Variants in PPIG observed in about 807,000 individuals in gnomAD.
The protein encoded by PPIG is peptidyl-prolyl cis-trans isomerase G.
Under a neutral mutation model 87.9 loss-of-function variants are expected in PPIG, and 26 were observed. The observed-to-expected ratio is 0.30, with a 90% CI of 0.22 to 0.41. The LOEUF is 0.41. PPIG is among the 10% of genes least tolerant of loss of function. The pLI, the probability that PPIG is intolerant of heterozygous loss-of-function variation, is 1.00. For synonymous variants in PPIG, 308 were observed against 276.5 expected, an observed-to-expected ratio of 1.11 and a Z score of -1.13; for missense variants, 722 against 879.4, an observed-to-expected ratio of 0.82 and a Z score of 2.26.
At position 169,613,873 on chromosome 2, in the gene PPIG, C is replaced by T. The variant is rs930540811; in HGVS notation, c.378-591C>T. ...CCCAGAATGTTCAGGATGCAGTGAA[C>T]CAAGGTTGTGCCAGTGCACTGCAGC... On this transcript the variant is annotated intron_variant, in intron 7 of 13. Coordinates refer to ENST00000260970, the MANE Select transcript of PPIG (RefSeq NM_004792.3). Among the ~76,000 whole-genome samples the T allele has an allele frequency of 5.9e-5, 9 of 152,176 alleles. No individual in the cohort carries two copies. The South Asian group carries it at 8.3e-4, about 14-fold the overall frequency.
At chr2:169,588,598 A>G (rs1237756758) in intron 1 of PPIG, among the ~76,000 whole-genome samples, 1 of 152,160 alleles carries the variant, frequency 6.6e-6, no homozygotes, top group Non-Finnish European at 1.5e-5. Context: ...ATATATGTAT[A>G]TATCTTTGAA....
At chr2:169,593,821 T>TC (rs1684939614) in intron 1 of PPIG, among the ~76,000 whole-genome samples, 1 of 149,874 alleles carries the variant, frequency 6.7e-6, no homozygotes, top group South Asian at 2.1e-4. Context: ...TAATTTTTTT[T>TC]TTTTTTTGTA....
chr2:169,613,015 A>G (rs2044503), intron 7 of PPIG, among the ~76,000 whole-genome samples: 61,369 of 152,030 alleles, frequency 0.4, 13,030 homozygotes, highest in East Asian at 0.58. Flanking sequence ...TTGCCACACT[A>G]TGTGTATCTG....
At chr2:169,610,631 T>C (rs546384343) in intron 7 of PPIG, among the ~76,000 whole-genome samples, 79 of 152,244 alleles carry the variant, frequency 5.2e-4, no homozygotes, top group African/African-American at 1.8e-3. Context: ...TACATGTTAA[T>C]AACCAACCTA....
At chr2:169,593,355 C>T (rs567492816) in intron 1 of PPIG, among the ~76,000 whole-genome samples, 19 of 152,018 alleles carry the variant, frequency 1.2e-4, no homozygotes, top group South Asian at 4.1e-4. Context: ...CCACCATGCC[C>T]GGCTATTTTT....
In PPIG at chr2:169,636,597, A is replaced by C. The variant is rs1385003921; in HGVS notation, c.1339A>C (p.Lys447Gln). 1 of 1,596,792 alleles carries C rather than the reference A, an allele frequency of 6.3e-7. No individual in the cohort carries two copies. Among genetic ancestry groups the C allele is most frequent in the Middle Eastern group, 1.7e-4 (1 of 5,962 alleles). Residue 447 changes from lysine to glutamine, a missense_variant, in exon 14 of 14, where the codon AAG becomes CAG. Transcript: ENST00000260970. ...DIRRNSEKDD[K>Q]YKNKVKKRAK... ...CAGAAGAAATTCAGAAAAAGATGAC[A>C]AGTATAAAAACAAAGTGAAGAAAAG... is the stretch of plus-strand genomic sequence containing the variant.
chr2:169,635,182 C>T (rs576570248), intron 12 of PPIG, among the ~76,000 whole-genome samples: 60 of 152,056 alleles, frequency 3.9e-4, no homozygotes, highest in African/African-American at 1.4e-3. Flanking sequence ...AAATAGTAGC[C>T]AGAATTGTCA....
At chr2:169,614,521 C>T in intron 8 of PPIG, 28 bp downstream of exon 8, 1 of 1,555,464 alleles carries the variant, frequency 6.4e-7, no homozygotes, top group Non-Finnish European at 8.7e-7. Flanking sequence ...TATTTTACAA[C>T]CTGTTTTAAA....
rs1044113253 is a variant in PPIG, at chr2:169,639,944, A to G, written c.*2421A>G. 1.3e-5 allele frequency: 2 copies of G among 152,128 alleles called. No individual in the cohort carries two copies. The highest frequency in any genetic ancestry group is 4.8e-5 in the African/African-American group (2 of 41,448). 9.4% of individuals were successfully genotyped at this position (152,128 alleles called of 1,614,324 possible). A position where few individuals can be genotyped will look rare whatever the true frequency, so the allele number is the denominator to read the frequency against. ...CATGTCAAAGTATTTTTGACTTAAT[A>G]TCCTTTTAAAAATATTTAAACTGAT... On this transcript the variant is annotated 3_prime_UTR_variant, in exon 14 of 14. Transcript: ENST00000260970.
chr2:169,606,217 G>C (rs1199569079), intron 5 of PPIG, 71 bp downstream of exon 5: 2 of 1,121,206 alleles, frequency 1.8e-6, no homozygotes, highest in Middle Eastern at 1.9e-4. Context: ...CAAGTCCCTA[G>C]AAGTTTTAGT....
chr2:169,626,716 A>G (rs997285002), intron 9 of PPIG, among the ~76,000 whole-genome samples: 2 of 136,754 alleles, frequency 1.5e-5, no homozygotes, highest in South Asian at 2.3e-4. Context: ...GAGCTTTTTT[A>G]TTTGTTAAAT....
chr2:169,588,259 C>T (rs1684761829), intron 1 of PPIG, among the ~76,000 whole-genome samples: 2 of 152,194 alleles, frequency 1.3e-5, no homozygotes, highest in Middle Eastern at 3.4e-3. Context: ...ATATACTAAG[C>T]TCTTGTTAAT....
intron 4 of PPIG, among the ~76,000 whole-genome samples, chr2:169,604,915 T>G (rs1357909035): frequency 2.0e-5 from 3 of 149,326 alleles, no homozygotes; most frequent in African/African-American, 7.4e-5. Flanking sequence ...GGGCACGGTG[T>G]GGCTGGGCAT....
At chr2:169,585,573 C>G (rs1684678319) in intron 1 of PPIG, among the ~76,000 whole-genome samples, 2 of 152,062 alleles carry the variant, frequency 1.3e-5, no homozygotes, top group Non-Finnish European at 2.9e-5. Flanking sequence ...CATGTTTAGT[C>G]TTAAGGAGCA....
intron 7 of PPIG, among the ~76,000 whole-genome samples, chr2:169,612,153 TCA>T (rs1238994170): frequency 1.3e-5 from 2 of 152,100 alleles, no homozygotes; most frequent in Non-Finnish European, 2.9e-5. Context: ...TCATGTGTAT[TCA>T]CAGTGTTGTA....
At chr2:169,607,867 T>C (rs1222313718) in intron 6 of PPIG, among the ~76,000 whole-genome samples, 1 of 152,196 alleles carries the variant, frequency 6.6e-6, no homozygotes, top group Non-Finnish European at 1.5e-5. Context: ...TCTCACTCTT[T>C]TTTTTAAGAG....
At chr2:169,594,887 G>C (rs541421262) in intron 1 of PPIG, among the ~76,000 whole-genome samples, 1 of 152,028 alleles carries the variant, frequency 6.6e-6, no homozygotes, top group East Asian at 1.9e-4. Context: ...CTCCCAAAGT[G>C]CTGGGACTAC....
intron 1 of PPIG, among the ~76,000 whole-genome samples, chr2:169,589,906 T>C (rs1684812600): frequency 6.6e-6 from 1 of 151,706 alleles, no homozygotes; most frequent in Non-Finnish European, 1.5e-5. Flanking sequence ...GATTGGGAGT[T>C]TGAGACCAGT....
chr2:169,615,674 A>C (rs947545216), intron 9 of PPIG, among the ~76,000 whole-genome samples: 1 of 151,976 alleles, frequency 6.6e-6, no homozygotes, highest in African/African-American at 2.4e-5. Context: ...TATATAAACC[A>C]CATTTTTAAA....
Sources: gnomAD v4.1 joint callset for allele counts (sites outside exome capture counted in the v4.1 genomes callset) on GRCh38, gnomAD v4.1.1 for gene constraint, MANE v1.5 for transcripts, NCBI Gene and HGNC (gene_info 2026-07-23, HGNC 2026-07-21) for gene names.